The following CYP4V2 variants were observed in gnomAD, a reference collection of about 807,000 sequenced individuals.
CYP4V2 encodes the protein cytochrome P450 family 4 subfamily V member 2.
Under a neutral mutation model 60.8 loss-of-function variants are expected in CYP4V2, and 55 were observed. The observed-to-expected ratio is 0.90, with a 90% CI of 0.73 to 1.13. The LOEUF is 1.13. Ranked by LOEUF, CYP4V2 falls within the 50% of genes most tolerant of loss-of-function variation. The probability of loss-of-function intolerance (pLI) is 0.00; values close to 1 mark genes in which losing one functional copy is unlikely to be tolerated. For missense variants in CYP4V2, 675 were observed against 662.9 expected, an observed-to-expected ratio of 1.02 and a Z score of -0.20; for synonymous variants, 239 against 236.8, an observed-to-expected ratio of 1.01 and a Z score of -0.08.
chr4:186,194,684 T>TG (rs1376785105), intron 2 of CYP4V2, 72 bp downstream of exon 2: 1 of 1,383,264 alleles, frequency 7.2e-7, no homozygotes, highest in Non-Finnish European at 1.0e-6. Context: ...AGAATCAATA[T>TG]AACGTGTCCT....
At chr4:186,205,460 T>G (rs1232128175) in intron 8 of CYP4V2, among the ~76,000 whole-genome samples, 158 bp downstream of exon 8, 1 of 152,214 alleles carries the variant, frequency 6.6e-6, no homozygotes, top group Non-Finnish European at 1.5e-5. Flanking sequence ...CTCACAGGCC[T>G]CTGCCAGTCG....
chr4:186,210,801 A>T lies in CYP4V2; in HGVS notation c.*160A>T. 2.4e-6 allele frequency: 2 copies of T among 827,556 alleles called. No individual in the cohort carries two copies. Among genetic ancestry groups the T allele is most frequent in the Non-Finnish European group, 3.7e-6 (2 of 536,774 alleles). 51.3% of individuals were successfully genotyped at this position (827,556 alleles called of 1,614,324 possible). A position where few individuals can be genotyped will look rare whatever the true frequency, so the allele number is the denominator to read the frequency against. On this transcript the variant is annotated 3_prime_UTR_variant, in exon 11 of 11. Transcript: ENST00000378802. ...TTGACATCAAGTCTAACAAAGAAAA[A>T]GTTTTGAGTTTTGTATTTTCTTTTT... is the stretch of plus-strand genomic sequence containing the variant.
intron 4 of CYP4V2, 74 bp from the exon 5 acceptor site, chr4:186,197,459 C>G: frequency 1.4e-6 from 2 of 1,432,180 alleles, no homozygotes; most frequent in Middle Eastern, 1.8e-4. Flanking sequence ...TCTTTAGTGT[C>G]TGCCGCTGCA....
intron 10 of CYP4V2, among the ~76,000 whole-genome samples, 176 bp from the exon 11 acceptor site, chr4:186,210,293 G>T (rs1736664945): frequency 6.6e-6 from 1 of 152,144 alleles, no homozygotes; most frequent in Non-Finnish European, 1.5e-5. Context: ...TGCAAGGTGG[G>T]ATCAGGGAGG....
Position 186,194,544 on chromosome 4 carries a change from A to G in CYP4V2, c.259A>G (p.Met87Val). The change falls in exon 2 of 11, where the codon ATG becomes GTG. Residue 87 changes from methionine (M) to valine (V), a missense_variant. Transcript: ENST00000378802. ...TGAGTACACAGAGGAATACCGCCAC[A>G]TGCCGCTGCTGAAGCTCTGGGTCGG... ...IIEYTEEYRH[M>V]PLLKLWVGPV... 6.2e-7 allele frequency: 1 copy of G among 1,614,198 alleles called. No homozygotes were observed. The highest frequency in any genetic ancestry group is 8.5e-7 in the Non-Finnish European group (1 of 1,180,024).
At chr4:186,205,841 C>G (rs1381389896) in intron 8 of CYP4V2, among the ~76,000 whole-genome samples, 1 of 152,170 alleles carries the variant, frequency 6.6e-6, no homozygotes, top group African/African-American at 2.4e-5. Context: ...TGGCTTTTGT[C>G]CTCATGATTG....
chr4:186,200,765 C>T (rs1013907561), intron 6 of CYP4V2, among the ~76,000 whole-genome samples: 9 of 151,988 alleles, frequency 5.9e-5, no homozygotes, highest in African/African-American at 2.2e-4. Context: ...TTCTTTTCTC[C>T]TCTACAACAT....
intron 8 of CYP4V2, 36 bp downstream of exon 8, chr4:186,205,338 C>T (rs1736466803): frequency 1.3e-6 from 2 of 1,570,050 alleles, no homozygotes; most frequent in Non-Finnish European, 1.8e-6. Flanking sequence ...TATTGTGGTA[C>T]TAAGTCTGCT....
At chr4:186,193,413 G>A (rs962835652) in intron 1 of CYP4V2, among the ~76,000 whole-genome samples, 1 of 152,164 alleles carries the variant, frequency 6.6e-6, no homozygotes, top group Admixed American at 6.5e-5. Context: ...AGACAATGAC[G>A]AATACTGTCT....
chr4:186,205,409 C>A, intron 8 of CYP4V2, 107 bp downstream of exon 8: 1 of 1,101,478 alleles, frequency 9.1e-7, no homozygotes, highest in Non-Finnish European at 1.4e-6. Flanking sequence ...CCCACGGGAT[C>A]CTTTCCAGTA....
intron 1 of CYP4V2, among the ~76,000 whole-genome samples, chr4:186,192,661 T>G (rs1308320225): frequency 6.6e-6 from 1 of 152,212 alleles, no homozygotes; most frequent in Non-Finnish European, 1.5e-5. Flanking sequence ...AAATCATGTT[T>G]TAAAACAGAG....
At chr4:186,193,612 A>G (rs1736057461) in intron 1 of CYP4V2, among the ~76,000 whole-genome samples, 1 of 152,172 alleles carries the variant, frequency 6.6e-6, no homozygotes, top group Non-Finnish European at 1.5e-5. Context: ...GATTAAATTT[A>G]TTGCATGCAA....
Position 186,195,002 on chromosome 4 carries a change from A to G in CYP4V2, c.327+390A>G, listed in dbSNP as rs1438333072. On this transcript the variant is annotated intron_variant, in intron 2 of 10. Coordinates refer to ENST00000378802, the MANE Select transcript of CYP4V2 (RefSeq NM_207352.4). The surrounding 1 kb of genome is among the most constrained non-coding windows in gnomAD (Gnocchi z 4.1). The stretch of plus-strand genomic sequence containing the variant: ...AGTTGCTCAGGGTCTCATATCAATG[A>G]TAAACTTAGTCCAAATTTAAAAGAC... Among the ~76,000 whole-genome samples, 3 of 152,224 alleles carry G rather than the reference A, an allele frequency of 2.0e-5. No individual in the cohort carries two copies. Among genetic ancestry groups the G allele is most frequent in the Non-Finnish European group, 2.9e-5 (2 of 68,042 alleles).
intron 1 of CYP4V2, among the ~76,000 whole-genome samples, chr4:186,192,584 G>A (rs1736023412): frequency 6.6e-6 from 1 of 152,196 alleles, no homozygotes; most frequent in African/African-American, 2.4e-5. Flanking sequence ...AGACGGCAGG[G>A]CCTTCAGGCA....
chr4:186,210,541 A>G lies in CYP4V2; in HGVS notation c.1478A>G (p.Asn493Ser), dbSNP rs772532141. The change falls in exon 11 of 11, where the codon AAC becomes AGC. Residue 493 changes from asparagine to serine, a missense_variant. Physicochemically the swap from Asn to Ser is conservative, Grantham distance 46. Transcript: ENST00000378802. ...CTGAGGCACTTTTGGATAGAATCCAACCAGAAAAGAGAAGAGCTTGGTCTA... is the reference window on the plus strand; with the variant it reads ...CTGAGGCACTTTTGGATAGAATCCAGCCAGAAAAGAGAAGAGCTTGGTCTA... ...CILRHFWIES[N>S]QKREELGLEG... is the part of the protein sequence containing the mutation. 5 of 1,614,056 alleles carry G rather than the reference A, an allele frequency of 3.1e-6. No homozygotes were observed. In the East Asian group the frequency reaches 6.7e-5, roughly 22 times the overall value.
chr4:186,204,795 C>A (rs186580725), intron 7 of CYP4V2: 32 of 321,622 alleles, frequency 9.9e-5, no homozygotes, highest in African/African-American at 6.3e-4. Context: ...ACCTCTACCC[C>A]CTGGTGCCCG....
intron 1 of CYP4V2, chr4:186,192,283 T>C: frequency 1.4e-6 from 1 of 697,380 alleles, no homozygotes; most frequent in South Asian, 1.5e-5. Context: ...ACCCCTGCCC[T>C]CGGTCTTTTC....
At chr4:186,196,844 G>A in intron 3 of CYP4V2, 96 bp from the exon 4 acceptor site, 1 of 1,289,938 alleles carries the variant, frequency 7.8e-7, no homozygotes, top group Non-Finnish European at 1.1e-6. Context: ...TTGTTGACTT[G>A]CTATATTTAT....
chr4:186,201,020 G>A (rs1736289531), intron 6 of CYP4V2, 137 bp from the exon 7 acceptor site: 1 of 860,240 alleles, frequency 1.2e-6, no homozygotes, highest in Non-Finnish European at 1.8e-6. Context: ...ATTTTCACAA[G>A]AGCCTATGTT....
Sources: gnomAD v4.1 joint callset for allele counts (sites outside exome capture counted in the v4.1 genomes callset) on GRCh38, gnomAD v4.1.1 for gene constraint, Gnocchi (gnomAD v3.1) non-coding constraint, MANE v1.5 for transcripts, NCBI Gene and HGNC (gene_info 2026-07-23, HGNC 2026-07-21) for gene names.